Variants in TANC1 observed in about 807,000 individuals in gnomAD.
TANC1 encodes the protein tetratricopeptide repeat, ankyrin repeat and coiled-coil containing 1, also known as protein TANC1.
In TANC1, 77 loss-of-function variants were observed where a neutral mutation model predicts 149.7. The observed-to-expected ratio is 0.51, with a 90% confidence interval of 0.43 to 0.62. The LOEUF is 0.62. TANC1 is among the 20% of genes least tolerant of loss of function. TANC1 has a pLI of 0.00. For missense variants in TANC1, 1,985 were observed against 2,321.8 expected, an observed-to-expected ratio of 0.85 and a Z score of 2.98; for synonymous variants, 854 against 925.0, an observed-to-expected ratio of 0.92 and a Z score of 1.39.
Position 159,178,937 on chromosome 2 carries a change from C to G in TANC1, c.2284C>G (p.Leu762Val), listed in dbSNP as rs777793100. ...ERALPILNVA[L>V]ASLHPMTDEQ... ...GGCACTTCCGATTCTCAACGTGGCC[C>G]TCGCATCCCTCCACCCCATGACAGA... Residue 762 changes from leucine (L) to valine (V), a missense_variant, in exon 14 of 27, where the codon CTC becomes GTC. This residue lies in a region of TANC1 where 508 missense variants were observed against 714.2 expected (regional missense o/e 0.71). Transcript: ENST00000263635. 6.2e-7 allele frequency: 1 copy of G among 1,614,198 alleles called. No individual in the cohort carries two copies. The highest frequency in any genetic ancestry group is 8.5e-7 in the Non-Finnish European group (1 of 1,180,040).
At chr2:159,074,565 A>G (rs1361165829) in intron 3 of TANC1, among the ~76,000 whole-genome samples, 10 of 152,212 alleles carry the variant, frequency 6.6e-5, no homozygotes, top group Non-Finnish European at 1.5e-4. Flanking sequence ...GCCAAAATTA[A>G]GGAATTTATG....
chr2:158,987,440 A>G (rs2035140400), intron 1 of TANC1, among the ~76,000 whole-genome samples: 1 of 151,832 alleles, frequency 6.6e-6, no homozygotes, highest in Admixed American at 6.6e-5. Flanking sequence ...GGGTAGGAGG[A>G]TCGCTTGAGC....
intron 2 of TANC1, among the ~76,000 whole-genome samples, chr2:159,015,561 G>T (rs1226265597): frequency 6.6e-6 from 1 of 152,180 alleles, no homozygotes; most frequent in Non-Finnish European, 1.5e-5. Flanking sequence ...TCAGAAAATA[G>T]AATTTTCTTT....
In TANC1 at chr2:159,211,607, T is replaced by C. The variant is rs541139650; in HGVS notation, c.3245-5890T>C. On this transcript the variant is annotated intron_variant, in intron 19 of 26. Coordinates refer to ENST00000263635, the MANE Select transcript of TANC1 (RefSeq NM_033394.3). ...AGCCATGGTTCTGTTTGCTTAAGCA[T>C]GTGGGTGGCTATTCTTCAGTCTCTC... is the stretch of plus-strand genomic sequence containing the variant. Among the ~76,000 whole-genome samples the C allele has an allele frequency of 1.3e-4, 20 of 152,318 alleles. No individual in the cohort carries two copies. The East Asian group carries it at 3.7e-3, about 28-fold the overall frequency.
rs547371272 is a variant in TANC1, at chr2:158,981,989, C to T, written c.-126+13207C>T. ...AAACCCAGACAAGCAAATAAAAGTT[C>T]CTATCATAGCTAACTTTGCTAACTT... is the stretch of plus-strand genomic sequence containing the variant. On this transcript the variant is annotated intron_variant, in intron 1 of 26. Transcript: ENST00000263635. Among the ~76,000 whole-genome samples, 6 of 152,172 alleles carry T rather than the reference C, an allele frequency of 3.9e-5. No individual in the cohort carries two copies. The South Asian group carries it at 1.2e-3, about 32-fold the overall frequency.
At chr2:159,065,708 A>G (rs2042597655) in intron 2 of TANC1, among the ~76,000 whole-genome samples, 188 bp from the exon 3 acceptor site, 1 of 151,910 alleles carries the variant, frequency 6.6e-6, no homozygotes, top group South Asian at 2.1e-4. Flanking sequence ...GTTATAGAAC[A>G]TTCCTTGTGT....
intron 4 of TANC1, among the ~76,000 whole-genome samples, chr2:159,103,618 C>G (rs2046930397): frequency 1.0e-5 from 1 of 96,874 alleles, no homozygotes; most frequent in African/African-American, 2.9e-5. Flanking sequence ...GAAAAACATT[C>G]AGTTGGCTCC....
chr2:159,165,329 C>G (rs997690438), intron 8 of TANC1, among the ~76,000 whole-genome samples: 1 of 152,238 alleles, frequency 6.6e-6, no homozygotes, highest in African/African-American at 2.4e-5. Flanking sequence ...TGCCCTTGAG[C>G]TAGACCTCCT....
chr2:159,175,057 C>G lies in TANC1; in HGVS notation c.1608C>G (p.Ala536=). The part of the protein sequence containing the change: ...AALLCRSHQL[A]AYRDLLIKEP... Reference sequence around the variant, plus strand: ...TGCTCTGCCGGTCCCATCAGCTGGCCGCCTACAGAGACCTTCTGATAAAGG... The same window carrying G: ...TGCTCTGCCGGTCCCATCAGCTGGCGGCCTACAGAGACCTTCTGATAAAGG... The change falls in exon 12 of 27, where the codon GCC becomes GCG. Residue 536 remains alanine (A), a synonymous_variant. Coordinates refer to ENST00000263635, the MANE Select transcript of TANC1 (RefSeq NM_033394.3). The G allele has an allele frequency of 6.8e-6, 11 of 1,614,192 alleles. No homozygotes were observed. Among genetic ancestry groups the G allele is most frequent in the Non-Finnish European group, 9.3e-6 (11 of 1,180,036 alleles).
intron 3 of TANC1, 38 bp downstream of exon 3, chr2:159,066,009 C>A (rs558090348): frequency 2.6e-6 from 4 of 1,533,492 alleles, no homozygotes; most frequent in Non-Finnish European, 3.6e-6. Context: ...CCATGGACAG[C>A]GGGCAGCAAG....
intron 1 of TANC1, among the ~76,000 whole-genome samples, chr2:158,972,528 C>T (rs1416182665): frequency 6.6e-6 from 1 of 152,202 alleles, no homozygotes; most frequent in Non-Finnish European, 1.5e-5. Flanking sequence ...TAGTTAGCAG[C>T]ACTCACTGCA....
At chr2:159,115,292 AT>A (rs1174529355) in intron 4 of TANC1, among the ~76,000 whole-genome samples, 1 of 152,066 alleles carries the variant, frequency 6.6e-6, no homozygotes, top group Admixed American at 6.6e-5. Flanking sequence ...GAGGGATGAA[AT>A]AAATAGATTT....
chr2:159,136,002 T>TTGTGTG (rs754052800), intron 4 of TANC1, among the ~76,000 whole-genome samples, 192 bp from the exon 5 acceptor site: 1,857 of 107,770 alleles, frequency 0.017, 33 homozygotes, highest in African/African-American at 0.03. Flanking sequence ...TACTGAAATT[T>TTGTGTG]TGTGTGTGTG....
intron 2 of TANC1, among the ~76,000 whole-genome samples, chr2:159,024,570 G>A (rs943020958): frequency 8.5e-5 from 13 of 152,050 alleles, no homozygotes; most frequent in Non-Finnish European, 1.9e-4. Context: ...GGCCAATATG[G>A]TGAAACCCCG....
intron 4 of TANC1, among the ~76,000 whole-genome samples, chr2:159,119,335 C>T (rs997884625): frequency 6.6e-6 from 1 of 152,106 alleles, no homozygotes; most frequent in South Asian, 2.1e-4. Context: ...CTCTTCAGAA[C>T]CAGTGGAGGT....
At chr2:159,078,721 C>T (rs1006998893) in intron 3 of TANC1, among the ~76,000 whole-genome samples, 1 of 152,142 alleles carries the variant, frequency 6.6e-6, no homozygotes, top group African/African-American at 2.4e-5. Flanking sequence ...ACCTCTAATC[C>T]TTCTGATTTC....
intron 3 of TANC1, among the ~76,000 whole-genome samples, chr2:159,069,016 C>T (rs920599332): frequency 2.0e-5 from 3 of 152,160 alleles, no homozygotes; most frequent in African/African-American, 7.2e-5. Flanking sequence ...GCTAGGATTA[C>T]AAATATGAGC....
chr2:158,992,831 T>G lies in TANC1; in HGVS notation c.-125-8249T>G, dbSNP rs373797248. On this transcript the variant is annotated intron_variant, in intron 1 of 26. Coordinates refer to ENST00000263635, the MANE Select transcript of TANC1 (RefSeq NM_033394.3). ...CACCGCTCCCGGACTGTGTAATATATTTCATGCATTTCCCCAGGTGTTGTG... is the reference window on the plus strand; with the variant it reads ...CACCGCTCCCGGACTGTGTAATATAGTTCATGCATTTCCCCAGGTGTTGTG... 1.2e-3 allele frequency among the ~76,000 whole-genome samples: 187 copies of G among 152,230 alleles called. 1 individual carries two copies. Among genetic ancestry groups the G allele is most frequent in the African/African-American group, 4.4e-3 (181 of 41,536 alleles).
chr2:159,155,523 C>G lies in TANC1; in HGVS notation c.682+4967C>G, dbSNP rs16843760. Among the ~76,000 whole-genome samples the G allele has an allele frequency of 6.2e-3, 937 of 152,296 alleles. 28 individuals are homozygous for G. The highest frequency in any genetic ancestry group is 0.048 in the East Asian group (251 of 5,178). On this transcript the variant is annotated intron_variant, in intron 7 of 26. Coordinates refer to ENST00000263635, the MANE Select transcript of TANC1 (RefSeq NM_033394.3). ...GGGACCCTGAGGGAACAGTGGCTGC[C>G]TCTCCCCAGCTGGGTGTGTCTGCCA...
Sources: allele counts gnomAD v4.1 joint callset (sites outside exome capture counted in the v4.1 genomes callset), GRCh38; gene constraint gnomAD v4.1.1; regional missense constraint gnomAD v4.1.1; transcripts MANE v1.5; gene names NCBI Gene and HGNC (gene_info 2026-07-23, HGNC 2026-07-21).